Variants in MARCHF11 observed in about 807,000 individuals in gnomAD.
MARCHF11 encodes the protein membrane associated ring-CH-type finger 11, also known as E3 ubiquitin-protein ligase MARCHF11.
A neutral mutation model predicts 37.3 loss-of-function variants in MARCHF11; 29 were observed. The ratio of observed to expected loss-of-function variants is 0.78; its 90% CI spans 0.58 to 1.06. The LOEUF is 1.06. MARCHF11 is among the 50% of genes least tolerant of loss of function. The pLI, the probability that MARCHF11 is intolerant of heterozygous loss-of-function variation, is 0.00. For synonymous variants in MARCHF11, 233 were observed against 228.0 expected, an observed-to-expected ratio of 1.02 and a Z score of -0.20; for missense variants, 482 against 533.4, an observed-to-expected ratio of 0.90 and a Z score of 0.95.
chr5:16,139,975 G>T (rs906675950), intron 2 of MARCHF11, among the ~76,000 whole-genome samples: 1 of 152,128 alleles, frequency 6.6e-6, no homozygotes, highest in Admixed American at 6.6e-5. Context: ...GACAATACTT[G>T]CTGTTGACAA....
At chr5:16,110,711 A>G (rs1368178444) in intron 2 of MARCHF11, among the ~76,000 whole-genome samples, 1 of 152,214 alleles carries the variant, frequency 6.6e-6, no homozygotes, top group Non-Finnish European at 1.5e-5. Context: ...GATTCAGACA[A>G]TAGTGTGGAT....
chr5:16,089,494 A>G (rs1736757289), intron 3 of MARCHF11, among the ~76,000 whole-genome samples: 1 of 152,078 alleles, frequency 6.6e-6, no homozygotes, highest in Non-Finnish European at 1.5e-5. Context: ...TTCAGTTTAT[A>G]TATTATTCAA....
intron 2 of MARCHF11, among the ~76,000 whole-genome samples, chr5:16,135,092 A>T (rs1212929643): frequency 6.6e-6 from 1 of 152,010 alleles, no homozygotes; most frequent in Non-Finnish European, 1.5e-5. Flanking sequence ...CTCATTTTAG[A>T]ATATTTTTCA....
At chr5:16,171,800 C>A (rs532305468) in intron 2 of MARCHF11, among the ~76,000 whole-genome samples, 72 of 152,302 alleles carry the variant, frequency 4.7e-4, no homozygotes, top group African/African-American at 1.7e-3. Flanking sequence ...CTCTACCCAA[C>A]AACTGCCAAA....
At chr5:16,120,787 G>A (rs149549186) in intron 2 of MARCHF11, among the ~76,000 whole-genome samples, 49 of 152,276 alleles carry the variant, frequency 3.2e-4, no homozygotes, top group African/African-American at 1.2e-3. Context: ...ATAACTTCTT[G>A]GAGGATGAGA....
At chr5:16,104,463 T>C (rs113829214) in intron 2 of MARCHF11, among the ~76,000 whole-genome samples, 4,844 of 152,282 alleles carry the variant, frequency 0.032, 183 homozygotes, top group African/African-American at 0.088. Flanking sequence ...GGGAATTTTA[T>C]AGCATATAAA....
intron 2 of MARCHF11, among the ~76,000 whole-genome samples, chr5:16,094,211 C>G (rs1216501143): frequency 1.3e-5 from 2 of 152,162 alleles, no homozygotes; most frequent in Non-Finnish European, 2.9e-5. Context: ...CATTCTTCCG[C>G]TAGAAGAAAT....
chr5:16,093,946 T>A (rs74622599), intron 2 of MARCHF11, among the ~76,000 whole-genome samples: 10,779 of 152,246 alleles, frequency 0.071, 1,238 homozygotes, highest in African/African-American at 0.24. Context: ...GTTTTATATC[T>A]CTCTGCTAAT....
intron 2 of MARCHF11, among the ~76,000 whole-genome samples, chr5:16,126,360 A>G (rs1171540695): frequency 6.6e-6 from 1 of 152,236 alleles, no homozygotes; most frequent in African/African-American, 2.4e-5. Flanking sequence ...AAATGCCACT[A>G]ATTAAAAACA....
chr5:16,073,170 A>G (rs1736465528), intron 3 of MARCHF11, among the ~76,000 whole-genome samples: 1 of 152,214 alleles, frequency 6.6e-6, no homozygotes, highest in South Asian at 2.1e-4. Flanking sequence ...CTAGAAGAGC[A>G]TTTTAGAGTC....
rs148846962 is a variant in MARCHF11, at chr5:16,136,816, G to T, written c.693+40910C>A. ...TATATACTACAATCAAATAAAATCAGAAAGAAAGGATGGAAGGTGGAAATA... is the reference window on the plus strand; with the variant it reads ...TATATACTACAATCAAATAAAATCATAAAGAAAGGATGGAAGGTGGAAATA... On this transcript the variant is annotated intron_variant, in intron 2 of 3. Transcript: ENST00000332432. Among the ~76,000 whole-genome samples the T allele has an allele frequency of 5.3e-5, 8 of 152,170 alleles. No homozygotes were observed. In the South Asian group the frequency reaches 1.2e-3, roughly 24 times the overall value.
At chr5:16,154,278 AC>A (rs752895127) in intron 2 of MARCHF11, among the ~76,000 whole-genome samples, 10 of 151,952 alleles carry the variant, frequency 6.6e-5, no homozygotes, top group Admixed American at 5.3e-4. Flanking sequence ...TGTGAGCCAT[AC>A]TGGACAATCC....
At chr5:16,129,929 T>C (rs978644967) in intron 2 of MARCHF11, among the ~76,000 whole-genome samples, 6 of 152,088 alleles carry the variant, frequency 3.9e-5, no homozygotes, top group African/African-American at 1.4e-4. Context: ...AATAAAAAAT[T>C]TTAAAACGAG....
At chr5:16,132,535 A>G (rs919552132) in intron 2 of MARCHF11, among the ~76,000 whole-genome samples, 1 of 152,218 alleles carries the variant, frequency 6.6e-6, no homozygotes, top group African/African-American at 2.4e-5. Flanking sequence ...TTTAAAAGGC[A>G]AACTACCAGG....
intron 2 of MARCHF11, among the ~76,000 whole-genome samples, chr5:16,098,368 A>C (rs1161896245): frequency 6.6e-6 from 1 of 152,246 alleles, no homozygotes; most frequent in Non-Finnish European, 1.5e-5. Flanking sequence ...AAAAACTTTA[A>C]AACTGTCTCT....
intron 2 of MARCHF11, among the ~76,000 whole-genome samples, chr5:16,155,207 G>A (rs1289436466): frequency 1.3e-5 from 2 of 151,798 alleles, no homozygotes; most frequent in East Asian, 3.9e-4. Context: ...GAACAATGCA[G>A]GTAGAAGTTT....
At chr5:16,077,253 A>AT (rs1736536679) in intron 3 of MARCHF11, among the ~76,000 whole-genome samples, 1 of 152,018 alleles carries the variant, frequency 6.6e-6, no homozygotes, top group Admixed American at 6.6e-5. Context: ...CTTTCTAAGA[A>AT]TTTTTTCTAA....
chr5:16,067,466 T>C lies in MARCHF11; in HGVS notation c.*5A>G. 1 of 1,611,584 alleles carries C rather than the reference T, an allele frequency of 6.2e-7. No homozygotes were observed. Among genetic ancestry groups the C allele is most frequent in the Non-Finnish European group, 8.5e-7 (1 of 1,177,914 alleles). The stretch of plus-strand genomic sequence containing the variant: ...TGGTCCACACTGCATCATCTTATGC[T>C]TTTGTCACACTGAAGTCACTCTCAT... On this transcript the variant is annotated 3_prime_UTR_variant, in exon 4 of 4. Transcript: ENST00000332432.
chr5:16,124,812 T>C (rs1737375142), intron 2 of MARCHF11, among the ~76,000 whole-genome samples: 1 of 151,448 alleles, frequency 6.6e-6, no homozygotes, highest in African/African-American at 2.4e-5. Context: ...AGATAAAATC[T>C]GAATTTGTAT....
Sources: allele counts gnomAD v4.1 joint callset (sites outside exome capture counted in the v4.1 genomes callset), GRCh38; gene constraint gnomAD v4.1.1; transcripts MANE v1.5; gene names NCBI Gene and HGNC (gene_info 2026-07-23, HGNC 2026-07-21).